Variants in RAPGEF4 observed in about 807,000 individuals in gnomAD.
RAPGEF4 encodes the protein Rap guanine nucleotide exchange factor 4.
Under a neutral mutation model 147.9 loss-of-function variants are expected in RAPGEF4, and 66 were observed. That is an observed-to-expected ratio of 0.45 (90% CI 0.37 to 0.55). The LOEUF is 0.55. Among genes scored for constraint, RAPGEF4 ranks in the 20% least tolerant of loss-of-function variants. RAPGEF4 has a pLI of 0.00. For missense variants in RAPGEF4, 1,071 were observed against 1,257.3 expected (o/e 0.85, Z 2.24); for synonymous variants, 419 against 442.7 (o/e 0.95, Z 0.67).
chr2:173,031,888 A>G (rs1236763437), intron 26 of RAPGEF4, among the ~76,000 whole-genome samples: 1 of 152,096 alleles, frequency 6.6e-6, no homozygotes, highest in East Asian at 1.9e-4. Flanking sequence ...AGCACCTTTG[A>G]TTCTAGTTTA....
rs148484138 is a variant in RAPGEF4, at chr2:172,920,263, T to C, written c.518-2018T>C. On this transcript the variant is annotated intron_variant, in intron 5 of 30. Coordinates refer to ENST00000397081, the MANE Select transcript of RAPGEF4 (RefSeq NM_007023.4). ...TTTTTCTTCTAATCACAATCACATA[T>C]ACACGTCACTCCAAATATGTCACCA... Among the ~76,000 whole-genome samples the C allele has an allele frequency of 2.9e-3, 442 of 152,282 alleles. 1 individual carries two copies. The highest frequency in any genetic ancestry group is 0.01 in the African/African-American group (434 of 41,558).
intron 10 of RAPGEF4, among the ~76,000 whole-genome samples, chr2:172,971,445 C>T (rs1242024480): frequency 1.3e-5 from 2 of 151,998 alleles, no homozygotes; most frequent in African/African-American, 2.4e-5. Flanking sequence ...CATTTGGGCC[C>T]GAGCAGAGAG....
chr2:172,898,056 C>G (rs1214092968), intron 4 of RAPGEF4, among the ~76,000 whole-genome samples: 3 of 152,002 alleles, frequency 2.0e-5, no homozygotes, highest in Non-Finnish European at 4.4e-5. Context: ...TGTGGGGACT[C>G]CGGGGTGGCA....
At chr2:172,953,061 C>G (rs1225200600) in intron 6 of RAPGEF4, among the ~76,000 whole-genome samples, 1 of 152,036 alleles carries the variant, frequency 6.6e-6, no homozygotes, top group East Asian at 1.9e-4. Flanking sequence ...ACAGACTCAC[C>G]ATGCAGTCTT....
chr2:172,766,422 C>T (rs781299559), intron 1 of RAPGEF4, among the ~76,000 whole-genome samples: 17 of 152,084 alleles, frequency 1.1e-4, no homozygotes, highest in Admixed American at 2.6e-4. Flanking sequence ...CATGCTGGCA[C>T]GCGCCCATAG....
chr2:172,943,201 T>C (rs1177284499), intron 6 of RAPGEF4, among the ~76,000 whole-genome samples: 3 of 152,190 alleles, frequency 2.0e-5, no homozygotes, highest in African/African-American at 7.2e-5. Context: ...GCAGAGGTGA[T>C]GTTCTGAAGA....
chr2:173,002,155 T>C (rs986245815), intron 17 of RAPGEF4, among the ~76,000 whole-genome samples: 21 of 152,162 alleles, frequency 1.4e-4, no homozygotes, highest in Admixed American at 9.8e-4. Context: ...CTCCGAGCTA[T>C]GGTATTAAAT....
intron 6 of RAPGEF4, among the ~76,000 whole-genome samples, chr2:172,958,290 A>T (rs1688944292): frequency 6.6e-6 from 1 of 152,236 alleles, no homozygotes; most frequent in Admixed American, 6.5e-5. Flanking sequence ...AGAGGTCTTT[A>T]CAATTTGATA....
At chr2:172,877,697 C>G (rs532288825) in intron 4 of RAPGEF4, among the ~76,000 whole-genome samples, 2 of 152,052 alleles carry the variant, frequency 1.3e-5, no homozygotes, top group Non-Finnish European at 2.9e-5. Context: ...ATAAAAGACC[C>G]CTTCCTTCTG....
chr2:172,865,719 C>T (rs1036882975), intron 4 of RAPGEF4, among the ~76,000 whole-genome samples: 1 of 152,128 alleles, frequency 6.6e-6, no homozygotes, highest in South Asian at 2.1e-4. Flanking sequence ...TTGGCCACTC[C>T]CCCCACCACC....
intron 1 of RAPGEF4, among the ~76,000 whole-genome samples, chr2:172,781,991 G>T (rs1037451055): frequency 6.6e-6 from 1 of 152,086 alleles, no homozygotes; most frequent in East Asian, 1.9e-4. Context: ...TCAAGTCCCC[G>T]ACTTCACACC....
At chr2:172,846,268 C>A (rs1287494584) in intron 4 of RAPGEF4, among the ~76,000 whole-genome samples, 3 of 152,196 alleles carry the variant, frequency 2.0e-5, no homozygotes, top group Non-Finnish European at 2.9e-5. Flanking sequence ...CAGTCCCAAG[C>A]AACCAGTGGC....
chr2:173,048,663 A>G lies in RAPGEF4; in HGVS notation c.2908+9A>G. On this transcript the variant is annotated intron_variant, in intron 30 of 30. Transcript: ENST00000397081. The stretch of plus-strand genomic sequence containing the variant: ...CAGGAGCCAACCCTTCAGTAAGTTA[A>G]GTGCTGCCACCTCTTACAATGTAGA... 6.2e-7 allele frequency: 1 copy of G among 1,614,154 alleles called. No homozygotes were observed. The highest frequency in any genetic ancestry group is 8.5e-7 in the Non-Finnish European group (1 of 1,180,012).
chr2:172,829,875 A>G (rs1398781940), intron 4 of RAPGEF4, among the ~76,000 whole-genome samples: 1 of 151,058 alleles, frequency 6.6e-6, no homozygotes, highest in Non-Finnish European at 1.5e-5. Context: ...GATGATTCAC[A>G]ACAGGTGCTT....
chr2:172,821,904 A>C, intron 4 of RAPGEF4: 1 of 1,612,224 alleles, frequency 6.2e-7, no homozygotes. Flanking sequence ...TTGCTGATCA[A>C]ATAAAGGATA....
At chr2:173,046,665 G>T (rs1193296851) in intron 29 of RAPGEF4, among the ~76,000 whole-genome samples, 1 of 152,148 alleles carries the variant, frequency 6.6e-6, no homozygotes, top group Non-Finnish European at 1.5e-5. Flanking sequence ...CATATATCAA[G>T]GGCTAATTAT....
At chr2:172,795,801 T>G (rs1686304432) in intron 2 of RAPGEF4, among the ~76,000 whole-genome samples, 1 of 152,222 alleles carries the variant, frequency 6.6e-6, no homozygotes, top group Non-Finnish European at 1.5e-5. Context: ...GTTAGTGAAG[T>G]GACTCAGTGA....
intron 27 of RAPGEF4, among the ~76,000 whole-genome samples, chr2:173,035,750 G>T (rs1016919794): frequency 6.6e-6 from 1 of 152,094 alleles, no homozygotes; most frequent in Non-Finnish European, 1.5e-5. Context: ...CACATATTTT[G>T]TATGTTATAT....
intron 17 of RAPGEF4, among the ~76,000 whole-genome samples, chr2:173,005,520 G>GTTTTTTTTTTTTTTTTTTT (rs573596077): frequency 4.3e-4 from 37 of 86,718 alleles, no homozygotes; most frequent in African/African-American, 5.1e-4. Context: ...GTTGTTTTGT[G>GTTTTTTTTTTTTTTTTTTT]TTTTTTTTTT....
Sources: allele counts gnomAD v4.1 joint callset (sites outside exome capture counted in the v4.1 genomes callset), GRCh38; gene constraint gnomAD v4.1.1; transcripts MANE v1.5; gene names NCBI Gene and HGNC (gene_info 2026-07-23, HGNC 2026-07-21).